Variants in IGSF21 observed in about 807,000 individuals in gnomAD.
The protein encoded by IGSF21 is immunoglobulin superfamily member 21.
A neutral mutation model predicts 46.8 loss-of-function variants in IGSF21; 28 were observed. The ratio of observed to expected loss-of-function variants is 0.60; its 90% CI spans 0.44 to 0.82. The LOEUF is 0.82. Ranked by LOEUF, IGSF21 falls within the 40% of genes least tolerant of loss-of-function variation. IGSF21 has a pLI of 0.00. For missense variants in IGSF21, 624 were observed against 665.5 expected, an observed-to-expected ratio of 0.94 and a Z score of 0.69; for synonymous variants, 284 against 273.6, an observed-to-expected ratio of 1.04 and a Z score of -0.38.
At chr1:18,350,347 G>T (rs979812469) in intron 4 of IGSF21, among the ~76,000 whole-genome samples, 8 of 152,152 alleles carry the variant, frequency 5.3e-5, no homozygotes, top group African/African-American at 1.9e-4. Flanking sequence ...CAATACCTGG[G>T]TCAGGGCAAG....
chr1:18,185,607 G>A (rs1299029936), intron 1 of IGSF21, among the ~76,000 whole-genome samples: 1 of 152,152 alleles, frequency 6.6e-6, no homozygotes, highest in Non-Finnish European at 1.5e-5. Context: ...TGAGAGCCTG[G>A]TGTTAAAGAT....
chr1:18,361,281 A>T (rs4424478), intron 4 of IGSF21: 30,846 of 152,188 alleles, frequency 0.2, 3,665 homozygotes, highest in Non-Finnish European at 0.26. Context: ...GAAAAACCCA[A>T]AACCTGTGCT....
At chr1:18,371,586 A>AC in intron 6 of IGSF21, among the ~76,000 whole-genome samples, 1 of 151,634 alleles carries the variant, frequency 6.6e-6, no homozygotes, top group African/African-American at 2.4e-5. Flanking sequence ...AAAAAAAAAA[A>AC]TGTTGATCAA....
intron 4 of IGSF21, among the ~76,000 whole-genome samples, chr1:18,357,255 T>G: frequency 7.1e-6 from 1 of 140,530 alleles, no homozygotes; most frequent in African/African-American, 2.7e-5. Context: ...GGGTTGGGGA[T>G]GGTGATAAAA....
At chr1:18,141,425 G>C (rs1020741827) in intron 1 of IGSF21, among the ~76,000 whole-genome samples, 2 of 152,162 alleles carry the variant, frequency 1.3e-5, no homozygotes, top group Non-Finnish European at 2.9e-5. Context: ...CCCACTTTCT[G>C]GTTGAGCAGG....
intron 2 of IGSF21, among the ~76,000 whole-genome samples, chr1:18,289,131 T>C (rs1048973240): frequency 3.3e-5 from 5 of 152,206 alleles, no homozygotes; most frequent in African/African-American, 1.2e-4. Flanking sequence ...ACAGTTTTAC[T>C]GACAGATTTT....
intron 2 of IGSF21, among the ~76,000 whole-genome samples, chr1:18,273,300 C>G (rs2085061267): frequency 6.6e-6 from 1 of 151,024 alleles, no homozygotes; most frequent in Non-Finnish European, 1.5e-5. Flanking sequence ...CTCGGCCTCC[C>G]AAAGTACTGG....
In IGSF21 at chr1:18,337,110, G is replaced by C. The variant is rs2085777082; in HGVS notation, c.424+2100G>C. ...CAAACCATATCATGTATCATCAGAG[G>C]GTTGACCAGACCATCCTACACTCCC... is the stretch of plus-strand genomic sequence containing the variant. On this transcript the variant is annotated intron_variant, in intron 4 of 9. Transcript: ENST00000251296. This position sits in a 1 kb window ranked among gnomAD's most constrained non-coding sequence, Gnocchi z 5.7. 6.6e-6 allele frequency among the ~76,000 whole-genome samples: 1 copy of C among 152,068 alleles called. No homozygotes were observed. The highest frequency in any genetic ancestry group is 2.4e-5 in the African/African-American group (1 of 41,406).
chr1:18,335,096 C>A lies in IGSF21; in HGVS notation c.424+86C>A. 1 of 1,010,482 alleles carries A rather than the reference C, an allele frequency of 9.9e-7. No homozygotes were observed. Among genetic ancestry groups the A allele is most frequent in the Non-Finnish European group, 1.5e-6 (1 of 646,120 alleles). The allele number at this position is 1,010,482 out of a possible 1,614,324, so 62.6% of individuals were successfully genotyped here. A position where few individuals can be genotyped will look rare whatever the true frequency, so the allele number is the denominator to read the frequency against. On this transcript the variant is annotated intron_variant, in intron 4 of 9. Coordinates refer to ENST00000251296, the MANE Select transcript of IGSF21 (RefSeq NM_032880.5). The surrounding 1 kb of genome is among the most constrained non-coding windows in gnomAD (Gnocchi z 4.8). ...GTGAATGTGCGCACAGAGTGGCCAT[C>A]CTGGGGGCCATCCACCAGAAGTTCT... is the stretch of plus-strand genomic sequence containing the variant.
At chr1:18,153,980 T>C (rs980644533) in intron 1 of IGSF21, among the ~76,000 whole-genome samples, 1 of 152,112 alleles carries the variant, frequency 6.6e-6, no homozygotes, top group Non-Finnish European at 1.5e-5. Flanking sequence ...CATCACACAG[T>C]GATTTAATTG....
intron 4 of IGSF21, among the ~76,000 whole-genome samples, chr1:18,345,341 G>C (rs2085881887): frequency 1.3e-5 from 2 of 152,180 alleles, no homozygotes; most frequent in Non-Finnish European, 2.9e-5. Context: ...TTTTCTACCA[G>C]CTTCTGCAAC....
At chr1:18,159,364 G>C (rs943696089) in intron 1 of IGSF21, among the ~76,000 whole-genome samples, 1 of 152,184 alleles carries the variant, frequency 6.6e-6, no homozygotes, top group Non-Finnish European at 1.5e-5. Flanking sequence ...AGCTCCCTCT[G>C]CCTTCTCTCG....
At chr1:18,316,620 C>T (rs75105624) in intron 3 of IGSF21, among the ~76,000 whole-genome samples, 2,941 of 152,268 alleles carry the variant, frequency 0.019, 48 homozygotes, top group Non-Finnish European at 0.03. Flanking sequence ...CAATTCCTCC[C>T]GGATAAGACC....
chr1:18,377,407 C>T lies in IGSF21; in HGVS notation c.1309C>T (p.Pro437Ser). The T allele has an allele frequency of 1.2e-6, 2 of 1,613,670 alleles. No homozygotes were observed. The highest frequency in any genetic ancestry group is 2.2e-5 in the South Asian group (2 of 91,060). The change falls in exon 9 of 10, where the codon CCA becomes TCA. Residue 437 changes from proline to serine, a missense_variant. Pro to Ser is a moderately conservative substitution (Grantham distance 74, BLOSUM62 -1). Coordinates refer to ENST00000251296, the MANE Select transcript of IGSF21 (RefSeq NM_032880.5). ...RLIVFENPNI[P>S]RGTEDSNGSI... The stretch of plus-strand genomic sequence containing the variant: ...CTTTCCAACAGAAAACCCAAATATC[C>T]CAAGAGGAACGGAGGACTCTAATGG...
In IGSF21 at chr1:18,171,780, C is replaced by T. The variant is rs113120211; in HGVS notation, c.71-56118C>T. Reference sequence around the variant, plus strand: ...AATTTTGTTGAGTAATTCCCCTTCCCCCATGTGGATATGGACTTCACGGGG... The same window carrying T: ...AATTTTGTTGAGTAATTCCCCTTCCTCCATGTGGATATGGACTTCACGGGG... On this transcript the variant is annotated intron_variant, in intron 1 of 9. Coordinates refer to ENST00000251296, the MANE Select transcript of IGSF21 (RefSeq NM_032880.5). 8.7e-3 allele frequency among the ~76,000 whole-genome samples: 1,328 copies of T among 152,284 alleles called. 20 individuals carry two copies. Among genetic ancestry groups the T allele is most frequent in the African/African-American group, 0.03 (1,236 of 41,560 alleles).
intron 1 of IGSF21, among the ~76,000 whole-genome samples, chr1:18,186,955 A>AT (rs143518553): frequency 1.1e-4 from 16 of 152,226 alleles, no homozygotes; most frequent in Non-Finnish European, 1.8e-4. Flanking sequence ...CAACACACTT[A>AT]TTTTTGTAAC....
intron 3 of IGSF21, among the ~76,000 whole-genome samples, chr1:18,308,284 C>A (rs904946057): frequency 6.6e-6 from 1 of 152,172 alleles, no homozygotes; most frequent in African/African-American, 2.4e-5. Flanking sequence ...CCCTGGCCAG[C>A]CTTTCCAAGT....
At position 18,273,509 on chromosome 1, in the gene IGSF21, TTTCTTTCTTTC is replaced by T. The variant is rs2085071302; in HGVS notation, c.184-18356_184-18346del. 1.9e-5 allele frequency among the ~76,000 whole-genome samples: 2 copies of T among 105,806 alleles called. 1 individual carries two copies. Among genetic ancestry groups the T allele is most frequent in the Non-Finnish European group, 3.9e-5 (2 of 51,446 alleles). The allele number at this position is 105,806 out of a possible 152,430, so 69.4% of individuals were successfully genotyped here. On this transcript the variant is annotated intron_variant, in intron 2 of 9. Transcript: ENST00000251296. ...CTTTCTTTCTTTCTTTCTTTCTTTC[TTTCTTTCTTTC>T]GTCTTTCTTTACTTTTTTTTTTTAA...
rs2085747948 is a variant in IGSF21 at position 18,334,653 on chromosome 1, C to T, written c.306-239C>T. On this transcript the variant is annotated intron_variant, in intron 3 of 9. Coordinates refer to ENST00000251296, the MANE Select transcript of IGSF21 (RefSeq NM_032880.5). This position sits in a 1 kb window ranked among gnomAD's most constrained non-coding sequence, Gnocchi z 4.3. ...CAGGCTAAATAACTGCTCCAGGACC[C>T]ACTGAGCACAAATTGGGCTCTGGCT... 6.6e-6 allele frequency among the ~76,000 whole-genome samples: 1 copy of T among 152,214 alleles called. No homozygotes were observed. Among genetic ancestry groups the T allele is most frequent in the Admixed American group, 6.5e-5 (1 of 15,284 alleles).
Sources: gnomAD v4.1 joint callset for allele counts (sites outside exome capture counted in the v4.1 genomes callset) on GRCh38, gnomAD v4.1.1 for gene constraint, Gnocchi (gnomAD v3.1) non-coding constraint, MANE v1.5 for transcripts, NCBI Gene and HGNC (gene_info 2026-07-23, HGNC 2026-07-21) for gene names.